Variants in PEAK1 observed in about 807,000 individuals in gnomAD.
The protein encoded by PEAK1 is pseudopodium enriched atypical kinase 1, also known as inactive tyrosine-protein kinase PEAK1.
Under a neutral mutation model 124.7 loss-of-function variants are expected in PEAK1, and 54 were observed. The observed-to-expected ratio is 0.43, with a 90% confidence interval of 0.35 to 0.54. The LOEUF (loss-of-function observed/expected upper bound fraction) is 0.54, where lower values mean the gene tolerates loss of function less well. PEAK1 is among the 20% of genes least tolerant of loss of function. The pLI is 0.01. For synonymous variants in PEAK1, 719 were observed against 760.0 expected (o/e 0.95, Z 0.89); for missense variants, 2,046 against 2,134.5 (o/e 0.96, Z 0.82).
At chr15:77,348,008 A>G in intron 2 of PEAK1, 2 of 985,332 alleles carry the variant, frequency 2.0e-6, no homozygotes, top group Non-Finnish European at 1.2e-6. Context: ...ATAGTGCTAT[A>G]ATGTTAAAAT....
At chr15:77,152,762 T>C (rs1380226801) in intron 8 of PEAK1, among the ~76,000 whole-genome samples, 1 of 152,176 alleles carries the variant, frequency 6.6e-6, no homozygotes, top group Non-Finnish European at 1.5e-5. Context: ...GGTTTTTGTC[T>C]TTGGTTCTGT....
intron 6 of PEAK1, among the ~76,000 whole-genome samples, chr15:77,199,541 A>T (rs535261445): frequency 6.4e-4 from 97 of 152,388 alleles, no homozygotes; most frequent in African/African-American, 2.3e-3. Flanking sequence ...TGTGAAAGCC[A>T]TCAAGCCCCA....
At chr15:77,135,022 T>C (rs923754326) in intron 8 of PEAK1, among the ~76,000 whole-genome samples, 6 of 152,108 alleles carry the variant, frequency 3.9e-5, no homozygotes, top group African/African-American at 1.4e-4. Flanking sequence ...ATACCAAGCA[T>C]TGATGGCCAC....
intron 9 of PEAK1, among the ~76,000 whole-genome samples, chr15:77,121,012 C>G (rs1325243422): frequency 6.6e-6 from 1 of 152,034 alleles, no homozygotes; most frequent in Non-Finnish European, 1.5e-5. Flanking sequence ...ACTTCTATAT[C>G]TTGTACATAT....
chr15:77,294,928 A>G (rs964396800), intron 2 of PEAK1, among the ~76,000 whole-genome samples: 44 of 152,190 alleles, frequency 2.9e-4, no homozygotes, highest in Admixed American at 1.3e-4. Flanking sequence ...TAAAAAGGAG[A>G]ATATGAAAAA....
At chr15:77,311,544 T>C (rs12899445) in intron 2 of PEAK1, among the ~76,000 whole-genome samples, 52,592 of 151,106 alleles carry the variant, frequency 0.35, 9,243 homozygotes, top group Non-Finnish European at 0.37. Flanking sequence ...TGCTGGCGGG[T>C]ACCTGTAATC....
chr15:77,274,574 C>T (rs1417787557), intron 5 of PEAK1, among the ~76,000 whole-genome samples: 1 of 151,948 alleles, frequency 6.6e-6, no homozygotes, highest in East Asian at 1.9e-4. Flanking sequence ...TACCTTACTC[C>T]TGCAACAATA....
intron 9 of PEAK1, among the ~76,000 whole-genome samples, chr15:77,130,397 T>C (rs2052758274): frequency 6.6e-6 from 1 of 152,186 alleles, no homozygotes; most frequent in Non-Finnish European, 1.5e-5. Context: ...GATCCCCCTC[T>C]TTACAGTTTA....
chr15:77,347,373 T>G, intron 2 of PEAK1: 1 of 985,100 alleles, frequency 1.0e-6, no homozygotes, highest in Non-Finnish European at 1.2e-6. Context: ...AGGAAGAGGT[T>G]TCTGAATCAG....
chr15:77,333,742 A>T (rs1333833007), intron 2 of PEAK1: 2 of 958,796 alleles, frequency 2.1e-6, no homozygotes, highest in Non-Finnish European at 2.5e-6. Context: ...ATTAATCTGT[A>T]TTATTTTAGG....
intron 2 of PEAK1, among the ~76,000 whole-genome samples, chr15:77,327,620 T>G (rs1023592747): frequency 5.9e-5 from 9 of 152,052 alleles, no homozygotes; most frequent in African/African-American, 2.2e-4. Context: ...ATCTTCCTTT[T>G]TAACAGAAAA....
chr15:77,170,118 GA>G (rs1019730745), intron 7 of PEAK1, among the ~76,000 whole-genome samples: 2 of 152,060 alleles, frequency 1.3e-5, no homozygotes, highest in African/African-American at 4.8e-5. Flanking sequence ...GACTATAATG[GA>G]AATAAAAAGT....
chr15:77,270,818 C>T (rs963973086), intron 5 of PEAK1, among the ~76,000 whole-genome samples: 41 of 152,158 alleles, frequency 2.7e-4, no homozygotes, highest in Admixed American at 9.2e-4. Context: ...ATGGAATGTT[C>T]TTCCATTTGT....
At chr15:77,275,793 T>C (rs557828764) in intron 5 of PEAK1, among the ~76,000 whole-genome samples, 15 of 151,256 alleles carry the variant, frequency 9.9e-5, no homozygotes, top group African/African-American at 3.6e-4. Flanking sequence ...AGAAAAAGAA[T>C]TATCTCACAA....
At chr15:77,293,442 CCT>C (rs1399917546) in intron 2 of PEAK1, among the ~76,000 whole-genome samples, 4 of 152,134 alleles carry the variant, frequency 2.6e-5, no homozygotes, top group East Asian at 3.9e-4. Flanking sequence ...TCTATTTCCC[CCT>C]CTTTGAATAT....
chr15:77,220,699 G>A (rs2059348374), intron 6 of PEAK1, among the ~76,000 whole-genome samples: 1 of 151,918 alleles, frequency 6.6e-6, no homozygotes, highest in Non-Finnish European at 1.5e-5. Flanking sequence ...GGAATTTAAA[G>A]GAAGGCAATG....
At chr15:77,287,234 G>A (rs1018489061) in intron 2 of PEAK1, among the ~76,000 whole-genome samples, 6 of 152,144 alleles carry the variant, frequency 3.9e-5, no homozygotes, top group South Asian at 2.1e-4. Context: ...CAGTGCCTTC[G>A]GGTCAGAGTA....
At chr15:77,343,919 G>A (rs1317764524) in intron 2 of PEAK1, among the ~76,000 whole-genome samples, 2 of 152,064 alleles carry the variant, frequency 1.3e-5, no homozygotes, top group Non-Finnish European at 2.9e-5. Flanking sequence ...TCAATGTTGG[G>A]TTAGTTTTCT....
chr15:77,147,984 T>C (rs2054293563), intron 8 of PEAK1, among the ~76,000 whole-genome samples: 1 of 152,340 alleles, frequency 6.6e-6, no homozygotes, highest in Admixed American at 6.5e-5. Flanking sequence ...TTTATTTTTA[T>C]AAATTTATAT....
Sources: gnomAD v4.1 joint callset for allele counts (sites outside exome capture counted in the v4.1 genomes callset) on GRCh38, gnomAD v4.1.1 for gene constraint, MANE v1.5 for transcripts, NCBI Gene and HGNC (gene_info 2026-07-23, HGNC 2026-07-21) for gene names.